Variants in STRBP observed in about 807,000 individuals in gnomAD.
The protein encoded by STRBP is spermatid perinuclear RNA-binding protein.
A neutral mutation model predicts 80.1 loss-of-function variants in STRBP; 13 were observed. That is an observed-to-expected ratio of 0.16 (90% CI 0.11 to 0.26). The LOEUF (loss-of-function observed/expected upper bound fraction) is 0.26, where lower values mean the gene tolerates loss of function less well. Among genes scored for constraint, STRBP ranks in the 10% least tolerant of loss-of-function variants. The pLI is 1.00. For missense variants in STRBP, 485 were observed against 815.2 expected (o/e 0.59, Z 4.93); for synonymous variants, 284 against 291.2 (o/e 0.98, Z 0.25).
chr9:123,135,592 G>A (rs994838013), intron 16 of STRBP, among the ~76,000 whole-genome samples: 15 of 152,050 alleles, frequency 9.9e-5, no homozygotes, highest in African/African-American at 2.9e-4. Flanking sequence ...AATTTTATGC[G>A]GTCGGCAAAG....
chr9:123,164,122 T>G (rs1479944126), intron 6 of STRBP, among the ~76,000 whole-genome samples: 1 of 152,204 alleles, frequency 6.6e-6, no homozygotes. Context: ...CTCGGCTCAC[T>G]GCAACCTCCG....
chr9:123,210,375 T>C (rs1270304070), intron 2 of STRBP, among the ~76,000 whole-genome samples: 1 of 120,308 alleles, frequency 8.3e-6, no homozygotes, highest in African/African-American at 3.2e-5. Flanking sequence ...CAACAAAAGA[T>C]AAACATCAAG....
chr9:123,206,786 C>A (rs952670834), intron 2 of STRBP, among the ~76,000 whole-genome samples: 3 of 151,974 alleles, frequency 2.0e-5, no homozygotes, highest in African/African-American at 7.3e-5. Flanking sequence ...TTACAGGCAC[C>A]CGCCACCACG....
At position 123,136,462 on chromosome 9, in the gene STRBP, C is replaced by T. The variant is rs149343154; in HGVS notation, c.1551G>A (p.Glu517=). ...LTASGKNPVM[E]LNEKRRGLKY... ...TGAGACCTCTTCTTTTTTCATTGAG[C>T]TCCATTACAGGGTTTTTGCCACTTG... The change falls in exon 15 of 19, where the codon GAG becomes GAA. Residue 517 remains glutamate (E), a synonymous_variant. Transcript: ENST00000348403. The surrounding 1 kb of genome is among the most constrained non-coding windows in gnomAD (Gnocchi z 4.2). 4.3e-6 allele frequency: 7 copies of T among 1,613,982 alleles called. No individual in the cohort carries two copies. Among genetic ancestry groups the T allele is most frequent in the African/African-American group, 2.7e-5 (2 of 74,906 alleles).
At chr9:123,244,219 C>T (rs2040754670) in intron 1 of STRBP, among the ~76,000 whole-genome samples, 1 of 152,134 alleles carries the variant, frequency 6.6e-6, no homozygotes, top group African/African-American at 2.4e-5. Flanking sequence ...AGGTCAGATA[C>T]TATATGCTTT....
At chr9:123,239,711 G>A (rs1016183573) in intron 1 of STRBP, among the ~76,000 whole-genome samples, 4 of 152,066 alleles carry the variant, frequency 2.6e-5, no homozygotes, top group African/African-American at 9.7e-5. Flanking sequence ...CACTGACCTA[G>A]GAACTATACA....
At chr9:123,160,581 AATC>A (rs2037482178) in intron 7 of STRBP, 119 bp from the exon 8 acceptor site, 2 of 590,288 alleles carry the variant, frequency 3.4e-6, no homozygotes, top group South Asian at 1.0e-4. Flanking sequence ...CAAACAAAAA[AATC>A]AATTAATCAC....
chr9:123,181,594 C>T (rs1310409920), intron 3 of STRBP, among the ~76,000 whole-genome samples: 1 of 151,454 alleles, frequency 6.6e-6, no homozygotes, highest in African/African-American at 2.4e-5. Flanking sequence ...GTCGGCAGTT[C>T]GAGACCAGTC....
intron 1 of STRBP, among the ~76,000 whole-genome samples, chr9:123,260,890 T>C (rs1364225140): frequency 3.3e-5 from 5 of 152,212 alleles, no homozygotes; most frequent in Non-Finnish European, 7.4e-5. Context: ...CCAGGTCCTT[T>C]TGAGTCTATC....
intron 4 of STRBP, 39 bp from the exon 5 acceptor site, chr9:123,173,881 T>G: frequency 1.9e-6 from 3 of 1,559,784 alleles, no homozygotes; most frequent in Non-Finnish European, 2.6e-6. Flanking sequence ...TCACAACCTA[T>G]TTCCCAAACT....
chr9:123,172,159 G>A (rs1321655443), intron 5 of STRBP, among the ~76,000 whole-genome samples: 7 of 152,154 alleles, frequency 4.6e-5, no homozygotes, highest in South Asian at 2.1e-4. Flanking sequence ...AACATCTGAG[G>A]ATGAGGAATA....
intron 2 of STRBP, among the ~76,000 whole-genome samples, chr9:123,217,415 TG>T (rs1418961847): frequency 6.6e-6 from 1 of 152,106 alleles, no homozygotes; most frequent in African/African-American, 2.4e-5. Flanking sequence ...ACAAAGAATG[TG>T]AAAAAGAAAT....
In STRBP at chr9:123,219,827, G is replaced by A. The variant is rs1049520225; in HGVS notation, c.-165+17003C>T. Among the ~76,000 whole-genome samples, 5 of 152,146 alleles carry A rather than the reference G, an allele frequency of 3.3e-5. No homozygotes were observed. In the East Asian group the frequency reaches 9.6e-4, roughly 29 times the overall value. On this transcript the variant is annotated intron_variant, in intron 2 of 18. Transcript: ENST00000348403. ...GAGTTGCTACAAAATTTAAATGAGA[G>A]AAAAAAGACAATTACCTTCAAAGGA...
intron 11 of STRBP, among the ~76,000 whole-genome samples, chr9:123,151,127 T>C (rs2037041361): frequency 6.6e-6 from 1 of 152,076 alleles, no homozygotes; most frequent in Admixed American, 6.5e-5. Flanking sequence ...AGACCCAAAA[T>C]GGACCCAGAT....
Position 123,158,404 on chromosome 9 carries a change from A to G in STRBP, c.861T>C (p.Cys287=), listed in dbSNP as rs1204961392. The change falls in exon 10 of 19, where the codon TGT becomes TGC. Residue 287 remains cysteine (C), a synonymous_variant. Transcript: ENST00000348403. The part of the protein sequence containing the change: ...LPGGPGLHDP[C]ERDPTDALSY... ...TCAGAGCATCTGTTGGGTCTCGCTC[A>G]CAAGGATCATGAAGACCAGGACCCC... 1.9e-6 allele frequency: 3 copies of G among 1,613,606 alleles called. No individual in the cohort carries two copies. The highest frequency in any genetic ancestry group is 2.5e-6 in the Non-Finnish European group (3 of 1,179,614).
intron 2 of STRBP, among the ~76,000 whole-genome samples, chr9:123,232,325 A>C (rs1423315765): frequency 6.6e-6 from 1 of 152,140 alleles, no homozygotes; most frequent in African/African-American, 2.4e-5. Flanking sequence ...AAAAAGAAAC[A>C]AAAAAACCTT....
chr9:123,125,678 A>G lies in STRBP; in HGVS notation c.1943-5T>C, dbSNP rs1338434118. The stretch of plus-strand genomic sequence containing the variant: ...GAACCATTCTCTTGGGTAAACCTAC[A>G]GAGAAAAGAAACGGAGAGGACTCCA... On this transcript the variant is annotated splice_region_variant and splice_polypyrimidine_tract_variant and intron_variant, in intron 18 of 18. Coordinates refer to ENST00000348403, the MANE Select transcript of STRBP (RefSeq NM_018387.5). 6.2e-7 allele frequency: 1 copy of G among 1,607,054 alleles called. No individual in the cohort carries two copies. Among genetic ancestry groups the G allele is most frequent in the Non-Finnish European group, 8.5e-7 (1 of 1,176,898 alleles).
At chr9:123,162,472 C>T (rs1588021605) in intron 6 of STRBP, among the ~76,000 whole-genome samples, 1 of 152,128 alleles carries the variant, frequency 6.6e-6, no homozygotes, top group Non-Finnish European at 1.5e-5. Context: ...CCTGCCTTGG[C>T]CTCCCAAAAT....
intron 1 of STRBP, among the ~76,000 whole-genome samples, chr9:123,265,844 A>AG (rs1255276435): frequency 6.6e-6 from 1 of 152,242 alleles, no homozygotes; most frequent in Non-Finnish European, 1.5e-5. Flanking sequence ...ACCATTTGGG[A>AG]GAAAAAGTCA....
Sources: gnomAD v4.1 joint callset for allele counts (sites outside exome capture counted in the v4.1 genomes callset) on GRCh38, gnomAD v4.1.1 for gene constraint, Gnocchi (gnomAD v3.1) non-coding constraint, MANE v1.5 for transcripts, NCBI Gene and HGNC (gene_info 2026-07-23, HGNC 2026-07-21) for gene names.